The following OR56A3 variants were observed in gnomAD, a reference collection of about 807,000 sequenced individuals.
OR56A3 encodes olfactory receptor family 56 subfamily A member 3.
A neutral mutation model predicts 17.5 loss-of-function variants in OR56A3; 23 were observed. The observed-to-expected ratio is 1.32, with a 90% CI of 0.95 to 1.87. The LOEUF (loss-of-function observed/expected upper bound fraction) is 1.87. Among genes scored for constraint, OR56A3 ranks in the 40% most tolerant of loss-of-function variants. OR56A3 has a pLI of 0.00. For missense variants in OR56A3, 366 were observed against 380.1 expected, an observed-to-expected ratio of 0.96 and a Z score of 0.31; for synonymous variants, 175 against 150.6, an observed-to-expected ratio of 1.16 and a Z score of -1.19.
Position 5,948,280 on chromosome 11 carries a change from A to G in OR56A3, c.934A>G (p.Lys312Glu). The change falls in exon 3 of 3, where the codon AAG (lysine) becomes GAG (glutamate). Residue 312 changes from lysine to glutamate, a missense_variant. Physicochemically the swap from Lys to Glu is moderately conservative, Grantham distance 56. Coordinates refer to ENST00000641160, the MANE Select transcript of OR56A3 (RefSeq NM_001003443.3). Reference protein sequence around the residue: ...EIKQGMQRLLKKGC With the variant: ...EIKQGMQRLLEKGC ...TAAGCAGGGAATGCAGAGGTTGTTG[A>G]AGAAAGGGTGCTAACAAGGACCACT... 6.2e-7 allele frequency: 1 copy of G among 1,612,826 alleles called. No individual in the cohort carries two copies. Among genetic ancestry groups the G allele is most frequent in the Non-Finnish European group, 8.5e-7 (1 of 1,178,820 alleles).
the OR56A3 span, among the ~76,000 whole-genome samples, chr11:5,960,683 C>A: frequency 4.6e-5 from 7 of 152,104 alleles, no homozygotes; most frequent in Non-Finnish European, 8.8e-5. Context: ...GCCGCCACCC[C>A]GTCTAGGAAG....
rs770885791 is a variant in OR56A3 at position 5,947,751 on chromosome 11, A to C, written c.405A>C (p.Arg135Ser). The part of the protein sequence containing the change: ...DRYVAICHPL[R>S]YPSIITDHFV... ...ATGTAGCCATCTGCCACCCACTGAG[A>C]TATCCATCAATCATCACTGATCACT... The change falls in exon 3 of 3, where the codon AGA becomes AGC. Residue 135 changes from arginine (R) to serine (S), a missense_variant. Coordinates refer to ENST00000641160, the MANE Select transcript of OR56A3 (RefSeq NM_001003443.3). 2.5e-6 allele frequency: 4 copies of C among 1,614,122 alleles called. No individual in the cohort carries two copies. Among genetic ancestry groups the C allele is most frequent in the Non-Finnish European group, 3.4e-6 (4 of 1,180,008 alleles).
chr11:5,976,934 T>A, the OR56A3 span, among the ~76,000 whole-genome samples: 1 of 152,172 alleles, frequency 6.6e-6, no homozygotes, highest in African/African-American at 2.4e-5. Context: ...CTGTATTCAA[T>A]ATTCATTCCT....
At chr11:6,018,040 GTATATATATA>G in the OR56A3 span, among the ~76,000 whole-genome samples, 1 of 20,876 alleles carries the variant, frequency 4.8e-5, no homozygotes, top group Non-Finnish European at 1.1e-4. Flanking sequence ...GTGTGTGTGT[GTATATATATA>G]TATATATATA....
the OR56A3 span, among the ~76,000 whole-genome samples, chr11:5,979,512 T>C: frequency 6.6e-6 from 1 of 152,180 alleles, no homozygotes; most frequent in African/African-American, 2.4e-5. Flanking sequence ...TCTGTAGAGA[T>C]GTTCATAATA....
the OR56A3 span, among the ~76,000 whole-genome samples, chr11:5,958,847 T>C: frequency 6.6e-6 from 1 of 152,188 alleles, no homozygotes; most frequent in Non-Finnish European, 1.5e-5. Context: ...AGATCAGCTT[T>C]TTTAGATTCC....
chr11:6,002,423 G>C, the OR56A3 span: 1 of 1,614,262 alleles, frequency 6.2e-7, no homozygotes, highest in Non-Finnish European at 8.5e-7. Context: ...CATCACAAGA[G>C]AGTTTGGACA....
the OR56A3 span, among the ~76,000 whole-genome samples, chr11:6,018,264 C>T: frequency 3.9e-5 from 6 of 152,082 alleles, no homozygotes; most frequent in East Asian, 1.9e-4. Flanking sequence ...ACATTTTATC[C>T]GACAGCTGTA....
chr11:5,967,520 G>T, the OR56A3 span: 2 of 1,403,750 alleles, frequency 1.4e-6, no homozygotes, highest in Non-Finnish European at 1.9e-6. Context: ...ATCAATTTCT[G>T]TTTTCAAGGT....
At chr11:6,019,541 A>G in the OR56A3 span, 3 of 152,210 alleles carry the variant, frequency 2.0e-5, no homozygotes, top group Non-Finnish European at 2.9e-5. Flanking sequence ...AGCAACTTAC[A>G]TCTTGCATGG....
the OR56A3 span, among the ~76,000 whole-genome samples, chr11:5,985,219 T>TAA: frequency 3.3e-5 from 5 of 152,202 alleles, no homozygotes; most frequent in African/African-American, 1.2e-4. Context: ...TGAATATTTA[T>TAA]AAAACAAACA....
chr11:5,959,764 T>C, the OR56A3 span, among the ~76,000 whole-genome samples: 1 of 152,320 alleles, frequency 6.6e-6, no homozygotes, highest in South Asian at 2.1e-4. Context: ...TGTGGGATGT[T>C]TCTCTTATGT....
At chr11:6,010,621 A>G in the OR56A3 span, among the ~76,000 whole-genome samples, 1 of 152,206 alleles carries the variant, frequency 6.6e-6, no homozygotes, top group Non-Finnish European at 1.5e-5. Context: ...ACCCATCAGA[A>G]GTGTGAGAAA....
chr11:5,994,316 G>T, the OR56A3 span: 9 of 665,078 alleles, frequency 1.4e-5, no homozygotes, highest in African/African-American at 5.3e-5. Flanking sequence ...TTGGCGGACT[G>T]CATGTGACCA....
chr11:5,974,986 C>T, the OR56A3 span, among the ~76,000 whole-genome samples: 2 of 152,212 alleles, frequency 1.3e-5, no homozygotes, highest in Non-Finnish European at 2.9e-5. Flanking sequence ...AATGACTCCT[C>T]ATATACTCTT....
chr11:6,020,682 T>C, the OR56A3 span: 1 of 152,262 alleles, frequency 6.6e-6, no homozygotes, highest in East Asian at 1.9e-4. Context: ...TTTACTAACG[T>C]TTATCAGCTG....
chr11:5,976,341 T>A, the OR56A3 span, among the ~76,000 whole-genome samples: 1 of 151,588 alleles, frequency 6.6e-6, no homozygotes, highest in Non-Finnish European at 1.5e-5. Context: ...AAAGGGAAAA[T>A]AAAAGATGAA....
At chr11:5,993,666 T>G in the OR56A3 span, among the ~76,000 whole-genome samples, 3 of 152,196 alleles carry the variant, frequency 2.0e-5, no homozygotes, top group East Asian at 5.8e-4. Context: ...ATAAGAGAAA[T>G]ATTAATATAA....
chr11:5,949,045 T>A lies in OR56A3; in HGVS notation c.*751T>A, dbSNP rs1301705325. The A allele has an allele frequency of 6.6e-6, 1 of 152,244 alleles. No individual in the cohort carries two copies. Among genetic ancestry groups the A allele is most frequent in the African/African-American group, 2.4e-5 (1 of 41,472 alleles). The allele number at this position is 152,244 out of a possible 1,614,324, so 9.4% of individuals were successfully genotyped here. Reference sequence around the variant, plus strand: ...ATCCAATATATCACAGGTTTTGATATGCAAACAAATCTTTATTAATGAGTC... The same window carrying A: ...ATCCAATATATCACAGGTTTTGATAAGCAAACAAATCTTTATTAATGAGTC... On this transcript the variant is annotated 3_prime_UTR_variant, in exon 3 of 3. Transcript: ENST00000641160.
Sources: allele counts gnomAD v4.1 joint callset (sites outside exome capture counted in the v4.1 genomes callset), GRCh38; gene constraint gnomAD v4.1.1; transcripts MANE v1.5; gene names NCBI Gene and HGNC (gene_info 2026-07-23, HGNC 2026-07-21).